The following TMEM114 variants were observed in gnomAD, a reference collection of about 807,000 sequenced individuals.
TMEM114 encodes transmembrane protein 114.
In TMEM114, 6 loss-of-function variants were observed where a neutral mutation model predicts 6.2. The observed-to-expected ratio is 0.97, with a 90% CI of 0.53 to 1.91. The LOEUF (loss-of-function observed/expected upper bound fraction) is 1.91, where lower values mean the gene tolerates loss of function less well. Among genes scored for constraint, TMEM114 ranks in the 40% most tolerant of loss-of-function variants. The probability of loss-of-function intolerance (pLI) is 0.01; values close to 1 mark genes in which losing one functional copy is unlikely to be tolerated. For synonymous variants in TMEM114, 104 were observed against 73.0 expected (o/e 1.42, Z -2.16); for missense variants, 218 against 158.3 (o/e 1.38, Z -2.02).
At chr16:8,542,145 G>GC (rs144150207) in intron 2 of TMEM114, among the ~76,000 whole-genome samples, 3 of 150,732 alleles carry the variant, frequency 2.0e-5, no homozygotes, top group East Asian at 1.9e-4. Context: ...TGATTCGTGG[G>GC]GGGGGGTCCC....
At chr16:8,584,198 A>C (rs1376986112) in intron 2 of TMEM114, among the ~76,000 whole-genome samples, 1 of 152,238 alleles carries the variant, frequency 6.6e-6, no homozygotes, top group Admixed American at 6.5e-5. Flanking sequence ...ATTCCAGCAG[A>C]CATGAGCTTT....
chr16:8,583,099 G>C (rs897113966), intron 2 of TMEM114, among the ~76,000 whole-genome samples: 2 of 152,186 alleles, frequency 1.3e-5, no homozygotes, highest in Non-Finnish European at 2.9e-5. Flanking sequence ...GATAATAATA[G>C]TGCCTCTTGG....
intron 2 of TMEM114, among the ~76,000 whole-genome samples, chr16:8,546,798 A>T (rs904791970): frequency 2.6e-5 from 4 of 152,340 alleles, no homozygotes; most frequent in Admixed American, 2.0e-4. Context: ...TTTCTTCTGC[A>T]ATAAAGGTTT....
At chr16:8,553,959 A>G (rs1292849074) in intron 2 of TMEM114, among the ~76,000 whole-genome samples, 2 of 151,294 alleles carry the variant, frequency 1.3e-5, no homozygotes, top group African/African-American at 2.4e-5. Flanking sequence ...GCTCACTGCA[A>G]CCTCTGGCTC....
chr16:8,529,663 G>A, the TMEM114 span, among the ~76,000 whole-genome samples: 2 of 151,712 alleles, frequency 1.3e-5, no homozygotes, highest in African/African-American at 4.9e-5. Flanking sequence ...ACTAAAATTT[G>A]AGAACCATTG....
rs551063496 is a variant in TMEM114 at position 8,540,879 on chromosome 16, G to A, written n.213-3053C>T. Among the ~76,000 whole-genome samples the A allele has an allele frequency of 4.4e-4, 67 of 152,306 alleles. 1 individual carries two copies. The Middle Eastern group carries it at 0.031, about 70-fold the overall frequency. On this transcript the variant is annotated intron_variant and non_coding_transcript_variant, in intron 2 of 2. Coordinates refer to the TMEM114 transcript ENST00000623677. ...ACTTGATCTAATGAGAGGTATCAGGGCAGGCTTCCCTGGAGAGTAAAGTTT... is the reference window on the plus strand; with the variant it reads ...ACTTGATCTAATGAGAGGTATCAGGACAGGCTTCCCTGGAGAGTAAAGTTT...
intron 2 of TMEM114, among the ~76,000 whole-genome samples, chr16:8,547,723 C>T (rs1335561578): frequency 6.6e-6 from 1 of 152,096 alleles, no homozygotes; most frequent in Non-Finnish European, 1.5e-5. Flanking sequence ...CAAAGGTTGG[C>T]AAGGTTGTCT....
chr16:8,527,865 C>A, the TMEM114 span, among the ~76,000 whole-genome samples: 1 of 152,184 alleles, frequency 6.6e-6, no homozygotes, highest in South Asian at 2.1e-4. Flanking sequence ...CCCTCCTCAT[C>A]ACCTAGACTG....
chr16:8,582,797 G>T (rs1019086301), intron 2 of TMEM114, among the ~76,000 whole-genome samples: 3 of 152,316 alleles, frequency 2.0e-5, no homozygotes, highest in South Asian at 2.1e-4. Context: ...GGCTGAGGCA[G>T]GAGGCTCAGG....
chr16:8,580,246 G>T lies in TMEM114; in HGVS notation c.302-8022C>A, dbSNP rs143284111. ...GCATGCCTGTAATCCCAGCACTTAG[G>T]GAGGCCAAGGCAGGCAGATCACTCG... is the stretch of plus-strand genomic sequence containing the variant. On this transcript the variant is annotated intron_variant, in intron 2 of 3. Coordinates refer to ENST00000620492, the MANE Select transcript of TMEM114 (RefSeq NM_001146336.2). 2.1e-3 allele frequency among the ~76,000 whole-genome samples: 326 copies of T among 152,230 alleles called. 1 individual carries two copies. Among genetic ancestry groups the T allele is most frequent in the South Asian group, 3.5e-3 (17 of 4,816 alleles).
chr16:8,581,291 CT>C (rs1230081397), intron 2 of TMEM114, among the ~76,000 whole-genome samples: 1 of 152,120 alleles, frequency 6.6e-6, no homozygotes. Context: ...TTAGTATATT[CT>C]TTTTACAGGC....
chr16:8,529,555 T>A, the TMEM114 span, among the ~76,000 whole-genome samples: 1 of 152,140 alleles, frequency 6.6e-6, no homozygotes, highest in Non-Finnish European at 1.5e-5. Flanking sequence ...AAATGCTGAT[T>A]CCCAGATCCC....
intron 2 of TMEM114, among the ~76,000 whole-genome samples, chr16:8,542,384 A>G (rs1315532881): frequency 6.6e-6 from 1 of 152,212 alleles, no homozygotes; most frequent in Non-Finnish European, 1.5e-5. Context: ...AACCCAGATA[A>G]GGAGATGTGA....
At chr16:8,526,894 T>G in the TMEM114 span, among the ~76,000 whole-genome samples, 11 of 152,192 alleles carry the variant, frequency 7.2e-5, no homozygotes, top group African/African-American at 1.7e-4. Context: ...CTACCAACAC[T>G]TTAAACTTTG....
At position 8,563,683 on chromosome 16, in the gene TMEM114, AAGTGAATGAGTGAGTT is replaced by A. The variant is rs1215821029; in HGVS notation, n.212+25514_212+25529del. Reference sequence around the variant, plus strand: ...TGAGCGAATAAGTAAGTGAATGAGTAAGTGAATGAGTGAGTTAGTGAATGAGTGAGTGAGTGAATGA... The same window carrying A: ...TGAGCGAATAAGTAAGTGAATGAGTAAGTGAATGAGTGAGTGAGTGAATGA... On this transcript the variant is annotated intron_variant and non_coding_transcript_variant, in intron 2 of 2. Transcript: ENST00000623677. Among the ~76,000 whole-genome samples the A allele has an allele frequency of 9.1e-4, 116 of 127,492 alleles. 8 individuals are homozygous for A. The highest frequency in any genetic ancestry group is 2.9e-3 in the African/African-American group (103 of 35,722). The allele number at this position is 127,492 out of a possible 152,430, so 83.6% of individuals were successfully genotyped here. A position where few individuals can be genotyped will look rare whatever the true frequency, so the allele number is the denominator to read the frequency against.
Position 8,549,181 on chromosome 16 carries a change from C to CAAA in TMEM114, n.213-11358_213-11356dup, listed in dbSNP as rs1216258524. 1.5e-3 allele frequency among the ~76,000 whole-genome samples: 73 copies of CAAA among 49,222 alleles called. 2 individuals carry two copies. Among genetic ancestry groups the CAAA allele is most frequent in the African/African-American group, 1.8e-3 (21 of 11,852 alleles). 32.3% of individuals were successfully genotyped at this position (49,222 alleles called of 152,430 possible). On this transcript the variant is annotated intron_variant and non_coding_transcript_variant, in intron 2 of 2. Transcript: ENST00000623677. ...TGGGCAACAGAACGAGACTCCATCT[C>CAAA]AAAAAAAAAAAAAAAAAAAAAGAAT...
At chr16:8,578,481 G>C (rs1175264745) in intron 2 of TMEM114, among the ~76,000 whole-genome samples, 1 of 152,094 alleles carries the variant, frequency 6.6e-6, no homozygotes, top group Admixed American at 6.5e-5. Flanking sequence ...CACCAAGTTA[G>C]TCCAAGATTA....
intron 2 of TMEM114, among the ~76,000 whole-genome samples, chr16:8,563,686 T>A (rs974423958): frequency 1.3e-5 from 2 of 150,566 alleles, no homozygotes; most frequent in African/African-American, 2.5e-5. Context: ...AATGAGTAAG[T>A]GAATGAGTGA....
chr16:8,572,072 A>C lies in TMEM114; in HGVS notation c.439+15T>G, dbSNP rs1179062601. The C allele has an allele frequency of 9.8e-6, 15 of 1,530,754 alleles. No individual in the cohort carries two copies. Among genetic ancestry groups the C allele is most frequent in the Admixed American group, 2.0e-5 (1 of 49,250 alleles). 94.8% of individuals were successfully genotyped at this position (1,530,754 alleles called of 1,614,324 possible). ...CAGACCACAAGCCAGAGCCCTAGGCAGGGTGGGCACCTACCTCCAAAGAGG... is the reference window on the plus strand; with the variant it reads ...CAGACCACAAGCCAGAGCCCTAGGCCGGGTGGGCACCTACCTCCAAAGAGG... On this transcript the variant is annotated intron_variant, in intron 3 of 3. Transcript: ENST00000620492.
Sources: allele counts gnomAD v4.1 joint callset (sites outside exome capture counted in the v4.1 genomes callset), GRCh38; gene constraint gnomAD v4.1.1; transcripts MANE v1.5; gene names NCBI Gene and HGNC (gene_info 2026-07-23, HGNC 2026-07-21).